The following PHACTR2 variants were observed in gnomAD, a reference collection of about 807,000 sequenced individuals.
PHACTR2 encodes the protein phosphatase and actin regulator 2.
PHACTR2 carries 30 observed loss-of-function variants against 76.0 expected under a neutral mutation model. That is an observed-to-expected ratio of 0.39 (90% CI 0.30 to 0.54). The LOEUF is 0.54. Among genes scored for constraint, PHACTR2 ranks in the 20% least tolerant of loss-of-function variants. PHACTR2 has a pLI of 0.61. For missense variants in PHACTR2, 696 were observed against 781.1 expected, an observed-to-expected ratio of 0.89 and a Z score of 1.30; for synonymous variants, 292 against 292.5, an observed-to-expected ratio of 1.00 and a Z score of 0.02.
Position 143,782,458 on chromosome 6 carries a change from C to T in PHACTR2, c.1646-761C>T, listed in dbSNP as rs1006015723. Among the ~76,000 whole-genome samples, 1 of 152,160 alleles carries T rather than the reference C, an allele frequency of 6.6e-6. No individual in the cohort carries two copies. The highest frequency in any genetic ancestry group is 2.4e-5 in the African/African-American group (1 of 41,430). On this transcript the variant is annotated intron_variant, in intron 9 of 12. Transcript: ENST00000440869. This position sits in a 1 kb window ranked among gnomAD's most constrained non-coding sequence, Gnocchi z 4.6. The stretch of plus-strand genomic sequence containing the variant: ...AGAGAGATGTTCCTCAAGTAAGCAA[C>T]AACCAGCAAAACCTGAAGGGGTGTT...
In PHACTR2 at chr6:143,658,597, A is replaced by T. The variant is rs1312124693; in HGVS notation, c.13+50275A>T. On this transcript the variant is annotated intron_variant, in intron 1 of 11. Coordinates refer to the PHACTR2 transcript ENST00000305766. The surrounding 1 kb of genome is among the most constrained non-coding windows in gnomAD (Gnocchi z 4.1). Reference sequence around the variant, plus strand: ...TATAGCTTATTTCTCCCAAGCTACAAATCTGTGCAGCATGTTACTGCACTG... The same window carrying T: ...TATAGCTTATTTCTCCCAAGCTACATATCTGTGCAGCATGTTACTGCACTG... Among the ~76,000 whole-genome samples, 5 of 152,350 alleles carry T rather than the reference A, an allele frequency of 3.3e-5. No homozygotes were observed. In the East Asian group the frequency reaches 9.6e-4, roughly 29 times the overall value.
rs962029178 is a variant in PHACTR2 at position 143,653,700 on chromosome 6, C to A, written c.13+45378C>A. On this transcript the variant is annotated intron_variant, in intron 1 of 11. Transcript: ENST00000305766. This position sits in a 1 kb window ranked among gnomAD's most constrained non-coding sequence, Gnocchi z 4.9. The stretch of plus-strand genomic sequence containing the variant: ...ATAAAGTGAGAACTCTACCTTACAT[C>A]ATATTAAAAAATTAACTCAAGATTG... Among the ~76,000 whole-genome samples the A allele has an allele frequency of 7.3e-5, 11 of 151,532 alleles. No individual in the cohort carries two copies. Among genetic ancestry groups the A allele is most frequent in the Non-Finnish European group, 1.2e-4 (8 of 67,932 alleles).
chr6:143,566,028 G>A (rs9376761), intron 1 of PHACTR2, among the ~76,000 whole-genome samples: 91,583 of 151,968 alleles, frequency 0.6, 28,017 homozygotes, highest in Middle Eastern at 0.72. Context: ...ATGAGACACA[G>A]TGAAGGGCTG....
rs1562296472 is a variant in PHACTR2, at chr6:143,760,458, C to A, written c.512C>A (p.Pro171His). Residue 171 changes from proline to histidine, a missense_variant, in exon 5 of 13, where the codon CCT becomes CAT. Around this residue, in one of 2 missense-constraint regions of PHACTR2, gnomAD observed 460 missense variants for 450.9 expected, o/e 1.02. Transcript: ENST00000440869. This position sits in a 1 kb window ranked among gnomAD's most constrained non-coding sequence, Gnocchi z 6.4. ...PAAPALPPSA[P>H]PKPRPKPKPK... ...GCTCCTGCTCTACCTCCTTCTGCTC[C>A]TCCTAAGCCTAGACCCAAACCTAAA... 6.2e-7 allele frequency: 1 copy of A among 1,613,670 alleles called. No individual in the cohort carries two copies. Among genetic ancestry groups the A allele is most frequent in the East Asian group, 2.2e-5 (1 of 44,868 alleles).
rs886954403 is a variant in PHACTR2, at chr6:143,816,534, G to T, written c.1923-7140G>T. Among the ~76,000 whole-genome samples, 1 of 152,098 alleles carries T rather than the reference G, an allele frequency of 6.6e-6. No individual in the cohort carries two copies. On this transcript the variant is annotated intron_variant, in intron 12 of 12. Coordinates refer to ENST00000440869, the MANE Select transcript of PHACTR2 (RefSeq NM_001100164.2). This position sits in a 1 kb window ranked among gnomAD's most constrained non-coding sequence, Gnocchi z 4.5. The stretch of plus-strand genomic sequence containing the variant: ...GGTCATAGTTCTGACCTCTGGCTTT[G>T]TGAGCATATTATTGCACGCACGGTA...
chr6:143,667,212 C>T (rs1483947835), intron 1 of PHACTR2, among the ~76,000 whole-genome samples: 1 of 152,044 alleles, frequency 6.6e-6, no homozygotes, highest in Non-Finnish European at 1.5e-5. Context: ...ATTTCTGAGG[C>T]CTCGGTTCTG....
At chr6:143,701,135 T>A (rs949233672) in intron 1 of PHACTR2, among the ~76,000 whole-genome samples, 3 of 152,248 alleles carry the variant, frequency 2.0e-5, no homozygotes, top group Non-Finnish European at 4.4e-5. Flanking sequence ...CTAGGGGATG[T>A]TGTTCATGTC....
Position 143,822,417 on chromosome 6 carries a change from C to T in PHACTR2, c.1923-1257C>T, listed in dbSNP as rs1051339765. On this transcript the variant is annotated intron_variant, in intron 12 of 12. Coordinates refer to ENST00000440869, the MANE Select transcript of PHACTR2 (RefSeq NM_001100164.2). The surrounding 1 kb of genome is among the most constrained non-coding windows in gnomAD (Gnocchi z 5.5). ...CAGTGGCTCGTACCTGTAATCACAG[C>T]ACTGTGGAAGGCAAAGGTGGGCAAA... 2.6e-5 allele frequency among the ~76,000 whole-genome samples: 4 copies of T among 152,146 alleles called. No individual in the cohort carries two copies. The highest frequency in any genetic ancestry group is 5.9e-5 in the Non-Finnish European group (4 of 68,030).
chr6:143,612,008 C>T (rs1398035634), intron 1 of PHACTR2, among the ~76,000 whole-genome samples: 4 of 152,154 alleles, frequency 2.6e-5, no homozygotes, highest in Non-Finnish European at 5.9e-5. Flanking sequence ...GATGAGTTTT[C>T]AGAGAAAGAC....
At chr6:143,810,322 A>G (rs1289491686) in intron 12 of PHACTR2, among the ~76,000 whole-genome samples, 1 of 152,146 alleles carries the variant, frequency 6.6e-6, no homozygotes, top group Non-Finnish European at 1.5e-5. Context: ...TGGTAGTCCC[A>G]TAAGTGGATT....
At chr6:143,790,969 G>T (rs192726336) in intron 11 of PHACTR2, among the ~76,000 whole-genome samples, 1 of 152,166 alleles carries the variant, frequency 6.6e-6, no homozygotes, top group East Asian at 1.9e-4. Context: ...GAGCCATGGC[G>T]CCCGGCCAAC....
chr6:143,762,471 A>G (rs1779464521), intron 5 of PHACTR2, among the ~76,000 whole-genome samples: 1 of 152,234 alleles, frequency 6.6e-6, no homozygotes, highest in Non-Finnish European at 1.5e-5. Context: ...AGAGGCTATC[A>G]CAGAGAAAAC....
intron 1 of PHACTR2, among the ~76,000 whole-genome samples, chr6:143,615,049 A>T (rs1679497695): frequency 6.6e-6 from 1 of 152,204 alleles, no homozygotes; most frequent in South Asian, 2.1e-4. Flanking sequence ...AAGGAACCTT[A>T]CTTTTTTGAG....
At chr6:143,615,278 G>T (rs577003272) in intron 1 of PHACTR2, among the ~76,000 whole-genome samples, 1 of 152,214 alleles carries the variant, frequency 6.6e-6, no homozygotes, top group African/African-American at 2.4e-5. Context: ...TTGTTTTACT[G>T]CTTTAAGAGT....
At position 143,658,746 on chromosome 6, in the gene PHACTR2, T is replaced by C. The variant is rs1165235855; in HGVS notation, c.13+50424T>C. ...AAAAACAAACAAACAAAAAATGGGG[T>C]TGGGCACAGTGACTCTGCCTGTAAT... is the stretch of plus-strand genomic sequence containing the variant. On this transcript the variant is annotated intron_variant, in intron 1 of 11. Transcript: ENST00000305766. This position sits in a 1 kb window ranked among gnomAD's most constrained non-coding sequence, Gnocchi z 4.1. 1.3e-5 allele frequency among the ~76,000 whole-genome samples: 2 copies of C among 151,678 alleles called. No individual in the cohort carries two copies. Among genetic ancestry groups the C allele is most frequent in the African/African-American group, 4.8e-5 (2 of 41,278 alleles).
intron 1 of PHACTR2, among the ~76,000 whole-genome samples, chr6:143,690,328 G>A (rs911184920): frequency 6.6e-6 from 1 of 152,100 alleles, no homozygotes; most frequent in Non-Finnish European, 1.5e-5. Context: ...TGTTGTCTTG[G>A]GATCTCTCTT....
chr6:143,613,137 C>A (rs12196022), intron 1 of PHACTR2, among the ~76,000 whole-genome samples: 3 of 152,208 alleles, frequency 2.0e-5, no homozygotes, highest in Non-Finnish European at 4.4e-5. Flanking sequence ...CCCCCATGCC[C>A]GGCTAATTTT....
At chr6:143,717,817 C>A (rs935586283) in intron 2 of PHACTR2, among the ~76,000 whole-genome samples, 2 of 152,172 alleles carry the variant, frequency 1.3e-5, no homozygotes, top group African/African-American at 2.4e-5. Context: ...AACAATTCAT[C>A]CTCCTTGGCT....
In PHACTR2 at chr6:143,757,811, G is replaced by A. The variant is rs1779336473; in HGVS notation, c.455-2590G>A. ...TGTGTGTGTCAATAACTATTAGACA[G>A]TCAGTCCCATTCGTTGAATAGACAT... On this transcript the variant is annotated intron_variant, in intron 4 of 12. Coordinates refer to ENST00000440869, the MANE Select transcript of PHACTR2 (RefSeq NM_001100164.2). This position sits in a 1 kb window ranked among gnomAD's most constrained non-coding sequence, Gnocchi z 4.2. Among the ~76,000 whole-genome samples the A allele has an allele frequency of 6.6e-6, 1 of 152,202 alleles. No homozygotes were observed. The highest frequency in any genetic ancestry group is 2.1e-4 in the South Asian group (1 of 4,826).
Sources: allele counts gnomAD v4.1 joint callset (sites outside exome capture counted in the v4.1 genomes callset), GRCh38; gene constraint gnomAD v4.1.1; regional missense constraint gnomAD v4.1.1; non-coding constraint Gnocchi (gnomAD v3.1); transcripts MANE v1.5; gene names NCBI Gene and HGNC (gene_info 2026-07-23, HGNC 2026-07-21).